PLCG2: variants seen among roughly 807,000 people sequenced by gnomAD.
PLCG2 encodes the protein 1-phosphatidylinositol 4,5-bisphosphate phosphodiesterase gamma-2.
A neutral mutation model predicts 175.6 loss-of-function variants in PLCG2; 69 were observed. That is an observed-to-expected ratio of 0.39 (90% CI 0.32 to 0.48). The LOEUF (loss-of-function observed/expected upper bound fraction) is 0.48. Among genes scored for constraint, PLCG2 ranks in the 20% least tolerant of loss-of-function variants. The pLI is 0.91. For missense variants in PLCG2, 1,798 were observed against 1,650.9 expected (o/e 1.09, Z -1.54); for synonymous variants, 827 against 624.0 (o/e 1.33, Z -4.85).
intron 2 of PLCG2, among the ~76,000 whole-genome samples, chr16:81,793,405 G>A (rs1168830989): frequency 6.6e-6 from 1 of 152,172 alleles, no homozygotes; most frequent in Non-Finnish European, 1.5e-5. Flanking sequence ...GCATTTGAAA[G>A]GCTTGGATTT....
At chr16:81,739,533 C>T (rs1446353987) in intron 1 of PLCG2, 1 of 152,282 alleles carries the variant, frequency 6.6e-6, no homozygotes, top group Non-Finnish European at 1.5e-5. Context: ...GATGGGTCAC[C>T]TGAGGTCCAG....
intron 1 of PLCG2, among the ~76,000 whole-genome samples, chr16:81,782,296 TC>T (rs1449685493): frequency 2.0e-5 from 3 of 151,248 alleles, no homozygotes; most frequent in Non-Finnish European, 2.9e-5. Flanking sequence ...TTATTCAAAC[TC>T]AGCCATATTT....
At chr16:81,830,548 T>G (rs1417671349) in intron 2 of PLCG2, among the ~76,000 whole-genome samples, 1 of 152,018 alleles carries the variant, frequency 6.6e-6, no homozygotes, top group Non-Finnish European at 1.5e-5. Context: ...CCTCAAGTGA[T>G]CCATAGGCCT....
intron 5 of PLCG2, 183 bp downstream of exon 5, chr16:81,859,346 GC>G (rs1183152719): frequency 6.7e-5 from 37 of 549,394 alleles, no homozygotes; most frequent in Non-Finnish European, 9.2e-5. Context: ...CCTGGAGGGA[GC>G]CTCTATTCCG....
rs371887861 is a variant in PLCG2 at position 81,957,917 on chromosome 16, C to T, written c.3756-39C>T. On this transcript the variant is annotated intron_variant, in intron 32 of 32. Transcript: ENST00000564138. ...AGAGTTCAGCACGCAGCCCATTTCT[C>T]ATGGCCCACTGCTGATGGTGAAATC... is the stretch of plus-strand genomic sequence containing the variant. 10 of 1,595,856 alleles carry T rather than the reference C, an allele frequency of 6.3e-6. No individual in the cohort carries two copies. In the African/African-American group the frequency reaches 6.7e-5, roughly 11 times the overall value.
chr16:81,859,401 G>A, intron 5 of PLCG2: 1 of 472,164 alleles, frequency 2.1e-6, no homozygotes, highest in East Asian at 3.5e-5. Context: ...CTGCCATGGG[G>A]CATTTGGACC....
chr16:81,893,603 G>T, intron 11 of PLCG2, 106 bp from the exon 12 acceptor site: 1 of 710,054 alleles, frequency 1.4e-6, no homozygotes, highest in South Asian at 1.5e-5. Flanking sequence ...TCAGAGCTTT[G>T]GCGGCTCGGG....
At chr16:81,877,995 TTTTTG>T (rs1907892472) in intron 7 of PLCG2, among the ~76,000 whole-genome samples, 1 of 137,358 alleles carries the variant, frequency 7.3e-6, no homozygotes, top group African/African-American at 2.8e-5. Flanking sequence ...TTTTTTTTTT[TTTTTG>T]AGAGGGAGTC....
intron 30 of PLCG2, among the ~76,000 whole-genome samples, chr16:81,941,662 G>T (rs991013948): frequency 6.6e-6 from 1 of 151,120 alleles, no homozygotes; most frequent in African/African-American, 2.4e-5. Context: ...CTGATATTTG[G>T]CAACCCTTCT....
chr16:81,961,139 G>A lies in PLCG2; in HGVS notation c.*3141G>A, dbSNP rs561507575. ...AACAAAGTGGGAGGAACAGCCTGTAGATTTCTGAGTCTCTTAGCATGTAAC... is the reference window on the plus strand; with the variant it reads ...AACAAAGTGGGAGGAACAGCCTGTAAATTTCTGAGTCTCTTAGCATGTAAC... On this transcript the variant is annotated 3_prime_UTR_variant, in exon 33 of 33. Coordinates refer to ENST00000564138, the MANE Select transcript of PLCG2 (RefSeq NM_002661.5). 15 of 231,028 alleles carry A rather than the reference G, an allele frequency of 6.5e-5. No homozygotes were observed. In the East Asian group the frequency reaches 9.3e-4, roughly 14 times the overall value. 14.3% of individuals were successfully genotyped at this position (231,028 alleles called of 1,614,324 possible). A position where few individuals can be genotyped will look rare whatever the true frequency, so the allele number is the denominator to read the frequency against.
chr16:81,897,920 T>C (rs1464437436), intron 13 of PLCG2: 1 of 452,494 alleles, frequency 2.2e-6, no homozygotes, highest in Non-Finnish European at 4.4e-6. Flanking sequence ...GACAATGAAA[T>C]TATGGACGTC....
At chr16:81,760,235 C>T (rs1403308512) in intron 2 of PLCG2, among the ~76,000 whole-genome samples, 1 of 152,192 alleles carries the variant, frequency 6.6e-6, no homozygotes, top group Non-Finnish European at 1.5e-5. Context: ...AGAAACAAAG[C>T]ACAACCACAG....
intron 32 of PLCG2, 79 bp downstream of exon 32, chr16:81,956,958 C>T (rs1911596564): frequency 1.6e-6 from 2 of 1,244,364 alleles, no homozygotes; most frequent in Non-Finnish European, 2.3e-6. Flanking sequence ...GGCCAGGCTT[C>T]TGGAAAGCCC....
At chr16:81,851,131 C>G (rs574579775) in intron 2 of PLCG2, among the ~76,000 whole-genome samples, 1 of 152,156 alleles carries the variant, frequency 6.6e-6, no homozygotes, top group Non-Finnish European at 1.5e-5. Flanking sequence ...ATACCACCCC[C>G]CTAATAATAG....
At chr16:81,866,170 G>A (rs112025109) in intron 5 of PLCG2, among the ~76,000 whole-genome samples, 20 of 111,668 alleles carry the variant, frequency 1.8e-4, no homozygotes, top group African/African-American at 5.7e-4. Flanking sequence ...AGAGGACGCT[G>A]GCCTCTCCCT....
intron 2 of PLCG2, among the ~76,000 whole-genome samples, chr16:81,842,386 C>T (rs759221690): frequency 6.6e-6 from 1 of 152,186 alleles, no homozygotes; most frequent in East Asian, 1.9e-4. Context: ...TGTCCTCCCT[C>T]CCAGACTCGG....
chr16:81,892,795 G>A (rs1243135333), intron 11 of PLCG2, among the ~76,000 whole-genome samples: 2 of 151,700 alleles, frequency 1.3e-5, no homozygotes, highest in Non-Finnish European at 2.9e-5. Context: ...TATTTTTCCT[G>A]ATCCTGTCCC....
intron 2 of PLCG2, among the ~76,000 whole-genome samples, chr16:81,806,042 A>G (rs1169132712): frequency 2.0e-5 from 3 of 151,924 alleles, no homozygotes; most frequent in South Asian, 2.1e-4. Context: ...TATCCAAAGC[A>G]TTATTATTTC....
intron 2 of PLCG2, among the ~76,000 whole-genome samples, chr16:81,799,696 C>A (rs889171745): frequency 6.6e-6 from 1 of 151,770 alleles, no homozygotes; most frequent in Admixed American, 6.6e-5. Flanking sequence ...AGGTTCACAC[C>A]ATTCTCCTGC....
Sources: gnomAD v4.1 joint callset for allele counts (sites outside exome capture counted in the v4.1 genomes callset) on GRCh38, gnomAD v4.1.1 for gene constraint, MANE v1.5 for transcripts, NCBI Gene and HGNC (gene_info 2026-07-23, HGNC 2026-07-21) for gene names.